The following SYT1 variants were observed in gnomAD, a reference collection of about 807,000 sequenced individuals.
The protein encoded by SYT1 is synaptotagmin-1.
A neutral mutation model predicts 44.8 loss-of-function variants in SYT1; 8 were observed. The observed-to-expected ratio is 0.18, with a 90% CI of 0.10 to 0.32. The LOEUF is 0.32. SYT1 is among the 10% of genes least tolerant of loss of function. The probability of loss-of-function intolerance (pLI) is 1.00; values close to 1 mark genes in which losing one functional copy is unlikely to be tolerated. For missense variants in SYT1, 286 were observed against 509.3 expected (o/e 0.56, Z 4.22); for synonymous variants, 154 against 188.8 (o/e 0.82, Z 1.51).
intron 4 of SYT1, among the ~76,000 whole-genome samples, chr12:79,285,079 G>A (rs1012884008): frequency 3.9e-5 from 6 of 152,056 alleles, no homozygotes; most frequent in African/African-American, 9.7e-5. Flanking sequence ...AAGAGCCACC[G>A]AACACATGAG....
chr12:79,398,019 A>G (rs887850180), intron 9 of SYT1, among the ~76,000 whole-genome samples: 4 of 152,214 alleles, frequency 2.6e-5, no homozygotes, highest in African/African-American at 7.2e-5. Flanking sequence ...TTAGATTCCA[A>G]ATCACTGCTT....
intron 4 of SYT1, among the ~76,000 whole-genome samples, chr12:79,236,329 C>G (rs1164918364): frequency 6.6e-6 from 1 of 152,156 alleles, no homozygotes; most frequent in African/African-American, 2.4e-5. Flanking sequence ...CCTTTCCAGC[C>G]TCTTTCCAGC....
chr12:79,306,066 T>G (rs1217802952), intron 8 of SYT1, among the ~76,000 whole-genome samples: 1 of 152,208 alleles, frequency 6.6e-6, no homozygotes, highest in Non-Finnish European at 1.5e-5. Context: ...CCATTTTCTC[T>G]CTACACTGCC....
intron 3 of SYT1, among the ~76,000 whole-genome samples, chr12:79,141,294 T>G (rs1869541820): frequency 1.3e-5 from 2 of 152,166 alleles, no homozygotes; most frequent in Admixed American, 1.3e-4. Flanking sequence ...GAATTGTATA[T>G]TTTAATATAC....
intron 3 of SYT1, among the ~76,000 whole-genome samples, chr12:79,207,210 T>G (rs1874176528): frequency 6.6e-6 from 1 of 152,124 alleles, no homozygotes. Flanking sequence ...CATGAGCTCT[T>G]TCCCACCTTT....
At chr12:79,299,656 T>C (rs1880039720) in intron 8 of SYT1, 105 bp downstream of exon 8, 1 of 1,403,856 alleles carries the variant, frequency 7.1e-7, no homozygotes, top group Non-Finnish European at 9.5e-7. Context: ...GATGTGGGCC[T>C]CTAGTTGTTG....
chr12:79,266,785 G>T (rs1165289056), intron 4 of SYT1, among the ~76,000 whole-genome samples: 1 of 152,180 alleles, frequency 6.6e-6, no homozygotes, highest in Non-Finnish European at 1.5e-5. Context: ...GCAAACTACA[G>T]ATTGGGAGGA....
chr12:79,140,439 T>C (rs1456028909), intron 3 of SYT1, among the ~76,000 whole-genome samples: 1 of 152,154 alleles, frequency 6.6e-6, no homozygotes, highest in African/African-American at 2.4e-5. Flanking sequence ...GTGCTTTCCG[T>C]ATATAGTGTG....
chr12:79,081,491 G>C (rs1287112484), intron 3 of SYT1, among the ~76,000 whole-genome samples: 2 of 151,098 alleles, frequency 1.3e-5, no homozygotes, highest in East Asian at 3.9e-4. Context: ...TGATTCTCCT[G>C]CCTCAGCCTC....
intron 8 of SYT1, among the ~76,000 whole-genome samples, chr12:79,314,719 C>G (rs74477854): frequency 0.015 from 2,350 of 152,174 alleles, 116 homozygotes; most frequent in Admixed American, 0.12. Context: ...CTAAGTTCTA[C>G]CCAAGAAAAA....
chr12:79,297,666 A>T (rs1240959025), intron 7 of SYT1, among the ~76,000 whole-genome samples: 1 of 152,170 alleles, frequency 6.6e-6, no homozygotes, highest in Non-Finnish European at 1.5e-5. Context: ...ATCAAACTAT[A>T]CATAAATCCA....
intron 3 of SYT1, among the ~76,000 whole-genome samples, chr12:79,094,817 A>G (rs1193961430): frequency 6.6e-6 from 1 of 151,956 alleles, no homozygotes; most frequent in Admixed American, 6.6e-5. Flanking sequence ...AAGAAACTCA[A>G]CAGCAAAAAT....
At chr12:78,865,573 G>T (rs1017201414) in intron 1 of SYT1, among the ~76,000 whole-genome samples, 10 of 151,926 alleles carry the variant, frequency 6.6e-5, no homozygotes, top group African/African-American at 1.7e-4. Context: ...ATGGGGGGGG[G>T]GGGGAACGTA....
At position 79,289,581 on chromosome 12, in the gene SYT1, G is replaced by A. The variant is rs150504417; in HGVS notation, c.352-2427G>A. 4.6e-5 allele frequency among the ~76,000 whole-genome samples: 7 copies of A among 152,218 alleles called. No homozygotes were observed. The East Asian group carries it at 1.4e-3, about 29-fold the overall frequency. On this transcript the variant is annotated intron_variant, in intron 5 of 10. Coordinates refer to ENST00000261205, the MANE Select transcript of SYT1 (RefSeq NM_005639.3). ...AGGGAGAAGGAGATTTAATATATCA[G>A]CTATTTCAAATTGCATTGGGCTGAA... is the stretch of plus-strand genomic sequence containing the variant.
chr12:79,362,637 G>A (rs1353413725), intron 9 of SYT1, among the ~76,000 whole-genome samples: 1 of 152,166 alleles, frequency 6.6e-6, no homozygotes, highest in Non-Finnish European at 1.5e-5. Context: ...TGTGAGGACA[G>A]GCTAGGAACA....
chr12:79,302,748 G>A (rs757376517), intron 8 of SYT1, among the ~76,000 whole-genome samples: 3 of 152,030 alleles, frequency 2.0e-5, no homozygotes, highest in Admixed American at 6.6e-5. Flanking sequence ...TTCACTTGCC[G>A]GTTTGTTTTT....
chr12:79,144,681 C>A (rs1029779979), intron 3 of SYT1, among the ~76,000 whole-genome samples: 1 of 152,214 alleles, frequency 6.6e-6, no homozygotes, highest in African/African-American at 2.4e-5. Flanking sequence ...CTCTTCACAC[C>A]CTGGCTCATT....
intron 3 of SYT1, among the ~76,000 whole-genome samples, chr12:79,179,411 G>GATATATCT (rs1872299151): frequency 7.7e-6 from 1 of 130,716 alleles, no homozygotes; most frequent in African/African-American, 2.9e-5. Flanking sequence ...TATAGATATA[G>GATATATCT]ATATAGATAT....
At chr12:79,349,051 A>AAG (rs1189025845) in intron 8 of SYT1, among the ~76,000 whole-genome samples, 30 of 141,678 alleles carry the variant, frequency 2.1e-4, no homozygotes, top group South Asian at 1.0e-3. Context: ...GAAAGAAAGA[A>AAG]AGAAAGGAGG....
Sources: gnomAD v4.1 joint callset for allele counts (sites outside exome capture counted in the v4.1 genomes callset) on GRCh38, gnomAD v4.1.1 for gene constraint, MANE v1.5 for transcripts, NCBI Gene and HGNC (gene_info 2026-07-23, HGNC 2026-07-21) for gene names.